NUTM2D: variants seen among roughly 807,000 people sequenced by gnomAD.
NUTM2D encodes the protein NUT family member 2D.
Under a neutral mutation model 43.5 loss-of-function variants are expected in NUTM2D, and 2 were observed. The ratio of observed to expected loss-of-function variants is 0.05; its 90% confidence interval spans 0.02 to 0.14. The LOEUF (loss-of-function observed/expected upper bound fraction) is 0.14. Ranked by LOEUF, NUTM2D falls within the 10% of genes least tolerant of loss-of-function variation. The pLI is 1.00. For missense variants in NUTM2D, 48 were observed against 668.7 expected (o/e 0.07, Z 10.24); for synonymous variants, 24 against 276.6 (o/e 0.09, Z 9.06).
Position 87,365,193 on chromosome 10 carries a change from TC to T in NUTM2D, c.1509del (p.Phe503LeufsTer29), listed in dbSNP as rs1850282851. ...YTDKLCSQKD[F>X]VTKVEAVIHP... is the part of the protein sequence containing the mutation. ...GACAAGCTGTGTTCCCAGAAAGACT[TC>T]GTCACCAAGGTGGGCTGGCCTGGAG... On this transcript the variant is annotated frameshift_variant, in exon 5 of 7. Transcript: ENST00000381697. LOFTEE classifies it high-confidence loss of function. The T allele has an allele frequency of 6.9e-7, 1 of 1,448,616 alleles. No individual in the cohort carries two copies. Among genetic ancestry groups the T allele is most frequent in the South Asian group, 1.3e-5 (1 of 76,206 alleles). The allele number at this position is 1,448,616 out of a possible 1,614,324, so 89.7% of individuals were successfully genotyped here.
At position 87,361,680 on chromosome 10, in the gene NUTM2D, T is replaced by C. The variant is rs1211359758; in HGVS notation, c.866+500T>C. 7.4e-4 allele frequency among the ~76,000 whole-genome samples: 39 copies of C among 52,976 alleles called. 15 individuals carry two copies. The highest frequency in any genetic ancestry group is 1.7e-3 in the Admixed American group (7 of 4,052). 34.8% of individuals were successfully genotyped at this position (52,976 alleles called of 152,430 possible). On this transcript the variant is annotated intron_variant, in intron 2 of 6. Transcript: ENST00000381697. ...GCCTGCACAGGGGGATGGTCTTGGGTCCTGCACTGGGGCCGATGCCGGGCA... is the reference window on the plus strand; with the variant it reads ...GCCTGCACAGGGGGATGGTCTTGGGCCCTGCACTGGGGCCGATGCCGGGCA...
At chr10:87,370,026 G>A (rs948627593), downstream of NUTM2D, 1 of 152,116 alleles carries the variant, frequency 6.6e-6, no homozygotes, top group Non-Finnish European at 1.5e-5. Context: ...TCTAACTTCA[G>A]CGTTGCATGA....
chr10:87,370,397 TGAACCA>T (rs1850343406), downstream of NUTM2D: 6 of 152,246 alleles, frequency 3.9e-5, no homozygotes, highest in Admixed American at 1.3e-4. Context: ...CCAGTGTACA[TGAACCA>T]TTTTATATAC....
chr10:87,360,804 G>A lies in NUTM2D; in HGVS notation c.490G>A (p.Ala164Thr), dbSNP rs757120615. 5 of 587,328 alleles carry A rather than the reference G, an allele frequency of 8.5e-6. 1 individual carries two copies. In the African/African-American group the frequency reaches 1.3e-4, roughly 15 times the overall value. The allele number at this position is 587,328 out of a possible 1,614,324, so 36.4% of individuals were successfully genotyped here. The part of the protein sequence containing the change: ...QTPLVWQAPG[A>T]LCGGVVCPPP... ...CCCCCTCGTCTGGCAGGCTCCAGGCGCCCTCTGCGGAGGTGTTGTGTGTCC... is the reference window on the plus strand; with the variant it reads ...CCCCCTCGTCTGGCAGGCTCCAGGCACCCTCTGCGGAGGTGTTGTGTGTCC... Residue 164 changes from alanine (A) to threonine (T), a missense_variant, in exon 2 of 7, where the codon GCC (alanine) becomes ACC (threonine). Transcript: ENST00000381697.
At position 87,358,373 on chromosome 10, in the gene NUTM2D, T is replaced by G. The variant is rs754731285; in HGVS notation, c.108T>G (p.Cys36Trp). 1 of 1,614,020 alleles carries G rather than the reference T, an allele frequency of 6.2e-7. No homozygotes were observed. The highest frequency in any genetic ancestry group is 1.7e-5 in the Admixed American group (1 of 60,022). The change falls in exon 1 of 7, where the codon TGT (cysteine) becomes TGG (tryptophan). Residue 36 changes from cysteine to tryptophan, a missense_variant. By Grantham distance (215) the Cys-to-Trp change is radical. Coordinates refer to ENST00000381697, the MANE Select transcript of NUTM2D (RefSeq NM_001382304.1). ...SLGLTLGFSH[C>W]GNCQTAVVSA... is the part of the protein sequence containing the mutation. ...GTCTTACCCTTGGCTTTTCTCATTG[T>G]GGAAACTGCCAGACAGCGGTAGTCA...
Position 87,360,500 on chromosome 10 carries a change from G to A in NUTM2D, c.186G>A (p.Pro62=), listed in dbSNP as rs759138684. The A allele has an allele frequency of 4.2e-5, 18 of 431,998 alleles. 5 individuals carry two copies. The highest frequency in any genetic ancestry group is 2.8e-4 in the African/African-American group (6 of 21,066). The allele number at this position is 431,998 out of a possible 1,614,324, so 26.8% of individuals were successfully genotyped here. The part of the protein sequence containing the change: ...ASNGAYPALG[P]GVTANPGTSL... The stretch of plus-strand genomic sequence containing the variant: ...CCACAGCATACCCAGCGCTGGGACC[G>A]GGCGTGACCGCGAACCCTGGCACCT... The change falls in exon 2 of 7, where the codon CCG becomes CCA. Residue 62 remains proline (P), a synonymous_variant. Transcript: ENST00000381697.
downstream of NUTM2D, chr10:87,367,313 C>A (rs756590388): frequency 1.2e-6 from 2 of 1,609,560 alleles, no homozygotes; most frequent in South Asian, 1.1e-5. Flanking sequence ...AGGCCGGCCC[C>A]ACTCTTTCCT....
chr10:87,370,383 G>C (rs1476874907), downstream of NUTM2D: 1 of 152,204 alleles, frequency 6.6e-6, no homozygotes, highest in Non-Finnish European at 1.5e-5. Flanking sequence ...GTGCCAGACT[G>C]TTCCCAGTGT....
At chr10:87,369,537 A>G (rs1252682091), downstream of NUTM2D, 1 of 152,050 alleles carries the variant, frequency 6.6e-6, no homozygotes, top group African/African-American at 2.4e-5. Context: ...CATGACTGGT[A>G]TCTGGAAACC....
intron 1 of NUTM2D, among the ~76,000 whole-genome samples, chr10:87,359,923 T>C (rs1485975712): frequency 1.3e-5 from 2 of 152,262 alleles, no homozygotes; most frequent in Non-Finnish European, 2.9e-5. Flanking sequence ...TCAGGGTTCC[T>C]AGGGCGCTGG....
At chr10:87,365,243 G>A in intron 5 of NUTM2D, 40 bp downstream of exon 5, 1 of 1,494,738 alleles carries the variant, frequency 6.7e-7, no homozygotes, top group Non-Finnish European at 8.9e-7. Flanking sequence ...TGGATTCCAG[G>A]GGGTGGCACT....
Position 87,360,708 on chromosome 10 carries a change from T to A in NUTM2D, c.394T>A (p.Phe132Ile), listed in dbSNP as rs1369553079. 5.3e-6 allele frequency: 3 copies of A among 564,910 alleles called. 1 individual carries two copies. In the Admixed American group the frequency reaches 2.1e-4, roughly 39 times the overall value. 35.0% of individuals were successfully genotyped at this position (564,910 alleles called of 1,614,324 possible). ...GPSGAGASNV[F>I]VQMRTEVGPV... ...GAGTGGGGCCGGGGCTTCCAACGTCTTTGTCCAGATGAGGACAGAGGTGGG... is the reference window on the plus strand; with the variant it reads ...GAGTGGGGCCGGGGCTTCCAACGTCATTGTCCAGATGAGGACAGAGGTGGG... The change falls in exon 2 of 7, where the codon TTT (phenylalanine) becomes ATT (isoleucine). Residue 132 changes from phenylalanine (F) to isoleucine (I), a missense_variant. Phe to Ile is a conservative substitution (Grantham distance 21). Coordinates refer to ENST00000381697, the MANE Select transcript of NUTM2D (RefSeq NM_001382304.1).
chr10:87,369,402 C>T (rs1432040005), downstream of NUTM2D: 6 of 151,740 alleles, frequency 4.0e-5, no homozygotes, highest in East Asian at 1.2e-3. Context: ...CTCGGACTTC[C>T]AGCCTCCAGA....
At chr10:87,359,871 G>A (rs1204010920) in intron 1 of NUTM2D, among the ~76,000 whole-genome samples, 3 of 152,258 alleles carry the variant, frequency 2.0e-5, no homozygotes, top group African/African-American at 4.8e-5. Flanking sequence ...GTGGTGCCAG[G>A]ACAATCACTT....
chr10:87,365,460 CAT>C (rs1221356356), intron 5 of NUTM2D, among the ~76,000 whole-genome samples: 2 of 129,560 alleles, frequency 1.5e-5, no homozygotes, highest in Non-Finnish European at 3.3e-5. Flanking sequence ...TTTCCTGTGT[CAT>C]ATGTGGGTCT....
downstream of NUTM2D, chr10:87,370,113 T>C (rs1850341219): frequency 2.0e-5 from 3 of 152,284 alleles, no homozygotes; most frequent in African/African-American, 7.2e-5. Context: ...TCCAATGGCA[T>C]CTACATTTTT....
At chr10:87,370,269 G>A (rs1017830642), downstream of NUTM2D, 3 of 152,092 alleles carry the variant, frequency 2.0e-5, 1 homozygote, top group Admixed American at 1.3e-4. Flanking sequence ...GAACATTTGT[G>A]TACAAGGTTT....
intron 1 of NUTM2D, among the ~76,000 whole-genome samples, 170 bp downstream of exon 1, chr10:87,358,601 T>G (rs1850240740): frequency 6.7e-6 from 1 of 149,540 alleles, no homozygotes; most frequent in Admixed American, 6.6e-5. Context: ...GCACCCTGAG[T>G]CTGTGTTTAG....
intron 1 of NUTM2D, among the ~76,000 whole-genome samples, chr10:87,359,610 A>G (rs1850245136): frequency 8.9e-6 from 1 of 112,586 alleles, no homozygotes; most frequent in Non-Finnish European, 1.8e-5. Context: ...CCCACTACCT[A>G]TTGTAACATG....
Sources: allele counts gnomAD v4.1 joint callset (sites outside exome capture counted in the v4.1 genomes callset), GRCh38; gene constraint gnomAD v4.1.1; transcripts MANE v1.5; gene names NCBI Gene and HGNC (gene_info 2026-07-23, HGNC 2026-07-21).